CAV1: variants seen among roughly 807,000 people sequenced by gnomAD.
CAV1 encodes the protein caveolin-1.
A neutral mutation model predicts 16.5 loss-of-function variants in CAV1; 10 were observed. The ratio of observed to expected loss-of-function variants is 0.61; its 90% confidence interval spans 0.37 to 1.03. The LOEUF (loss-of-function observed/expected upper bound fraction) is 1.03. CAV1 is among the 50% of genes least tolerant of loss of function. CAV1 has a pLI of 0.01. For synonymous variants in CAV1, 76 were observed against 85.1 expected (o/e 0.89, Z 0.59); for missense variants, 212 against 232.8 (o/e 0.91, Z 0.58).
In CAV1 at chr7:116,559,481, C is replaced by T; in HGVS notation, c.*194C>T. ...AGCTATTTCATCTATTTTTGGCAGT[C>T]TGAATTTTTAAAACCCATTTAAATT... On this transcript the variant is annotated 3_prime_UTR_variant, in exon 3 of 3. Coordinates refer to ENST00000341049, the MANE Select transcript of CAV1 (RefSeq NM_001753.5). 2 of 607,458 alleles carry T rather than the reference C, an allele frequency of 3.3e-6. No individual in the cohort carries two copies. Among genetic ancestry groups the T allele is most frequent in the East Asian group, 5.5e-5 (2 of 36,368 alleles). The allele number at this position is 607,458 out of a possible 1,614,324, so 37.6% of individuals were successfully genotyped here.
chr7:116,556,038 G>A (rs957978876), intron 2 of CAV1, among the ~76,000 whole-genome samples: 1 of 152,138 alleles, frequency 6.6e-6, no homozygotes, highest in African/African-American at 2.4e-5. Context: ...CACCCCTGGA[G>A]ACCTGCTCTA....
At chr7:116,525,600 A>C in intron 1 of CAV1, 5 of 1,138,956 alleles carry the variant, frequency 4.4e-6, no homozygotes, top group Admixed American at 4.3e-5. Context: ...CATCTCAAGA[A>C]CTCCTTCTGC....
At chr7:116,541,386 G>C (rs1793931568) in intron 2 of CAV1, among the ~76,000 whole-genome samples, 1 of 152,180 alleles carries the variant, frequency 6.6e-6, no homozygotes, top group South Asian at 2.1e-4. Context: ...GAAAAGCACT[G>C]CTCAGACGCA....
chr7:116,535,417 G>T (rs1408024590), intron 2 of CAV1, among the ~76,000 whole-genome samples: 1 of 152,136 alleles, frequency 6.6e-6, no homozygotes. Flanking sequence ...TCATCCCTCA[G>T]ATCTTTCTTT....
At chr7:116,545,876 T>C (rs1185241956) in intron 2 of CAV1, among the ~76,000 whole-genome samples, 1 of 152,256 alleles carries the variant, frequency 6.6e-6, no homozygotes, top group Non-Finnish European at 1.5e-5. Flanking sequence ...CTCCCAAGTG[T>C]AAACACAGAA....
Position 116,539,679 on chromosome 7 carries a change from A to G in CAV1, c.195+12990A>G, listed in dbSNP as rs916559984. On this transcript the variant is annotated intron_variant, in intron 2 of 2. Coordinates refer to ENST00000341049, the MANE Select transcript of CAV1 (RefSeq NM_001753.5). ...ATTTAGACTTTTTTTTTAAGTCTCC[A>G]GGTTGAGGAGGACACAAATATATCC... is the stretch of plus-strand genomic sequence containing the variant. Among the ~76,000 whole-genome samples, 50 of 152,290 alleles carry G rather than the reference A, an allele frequency of 3.3e-4. 1 individual carries two copies. The highest frequency in any genetic ancestry group is 2.4e-3 in the Admixed American group (36 of 15,294).
Position 116,549,398 on chromosome 7 carries a change from T to A in CAV1, c.196-9548T>A, listed in dbSNP as rs144111344. Among the ~76,000 whole-genome samples, 306 of 152,330 alleles carry A rather than the reference T, an allele frequency of 2.0e-3. 2 individuals are homozygous for A. Among genetic ancestry groups the A allele is most frequent in the African/African-American group, 7.0e-3 (289 of 41,580 alleles). ...ATTGTTTTTCTTTAAAGGTGAAGACTTCTGAGCTTGAATTATCCCCTTGTC... is the reference window on the plus strand; with the variant it reads ...ATTGTTTTTCTTTAAAGGTGAAGACATCTGAGCTTGAATTATCCCCTTGTC... On this transcript the variant is annotated intron_variant, in intron 2 of 2. Transcript: ENST00000341049.
chr7:116,535,121 G>A (rs1427398759), intron 2 of CAV1, among the ~76,000 whole-genome samples: 1 of 152,170 alleles, frequency 6.6e-6, no homozygotes, highest in East Asian at 1.9e-4. Flanking sequence ...GCACTACTCA[G>A]CCGCAAGTAA....
At chr7:116,536,799 C>G (rs930733228) in intron 2 of CAV1, among the ~76,000 whole-genome samples, 3 of 151,408 alleles carry the variant, frequency 2.0e-5, no homozygotes, top group Admixed American at 1.3e-4. Context: ...GTCAGGAGAT[C>G]GAGACCATCC....
At chr7:116,542,912 G>T (rs1343922352) in intron 2 of CAV1, 1 of 151,070 alleles carries the variant, frequency 6.6e-6, no homozygotes, top group Non-Finnish European at 1.5e-5. Flanking sequence ...AAGTGCGAGT[G>T]GCCACAGAGA....
At position 116,535,918 on chromosome 7, in the gene CAV1, G is replaced by T. The variant is rs183991577; in HGVS notation, c.195+9229G>T. Among the ~76,000 whole-genome samples, 240 of 152,208 alleles carry T rather than the reference G, an allele frequency of 1.6e-3. 2 individuals carry two copies. Among genetic ancestry groups the T allele is most frequent in the African/African-American group, 5.6e-3 (233 of 41,546 alleles). ...TCAAAGAGACTTAAGTTTTGATGTT[G>T]TACATATGTGCCTAATATTCTATCT... On this transcript the variant is annotated intron_variant, in intron 2 of 2. Transcript: ENST00000341049.
chr7:116,555,494 A>AGG (rs1794248658), intron 2 of CAV1, among the ~76,000 whole-genome samples: 1 of 6,690 alleles, frequency 1.5e-4, no homozygotes, highest in Admixed American at 2.2e-3. Flanking sequence ...AAAAGAAAGA[A>AGG]AGAAAGAAAG....
chr7:116,533,787 A>G (rs1793735325), intron 2 of CAV1, among the ~76,000 whole-genome samples: 1 of 152,234 alleles, frequency 6.6e-6, no homozygotes, highest in Admixed American at 6.5e-5. Flanking sequence ...CGTCATTTAT[A>G]AACCTTAAAA....
At chr7:116,538,279 C>T (rs1793866193) in intron 2 of CAV1, among the ~76,000 whole-genome samples, 1 of 152,214 alleles carries the variant, frequency 6.6e-6, no homozygotes, top group Non-Finnish European at 1.5e-5. Flanking sequence ...CTAGTAATTA[C>T]ATATTTGTTC....
intron 2 of CAV1, 56 bp from the exon 3 acceptor site, chr7:116,558,890 T>G (rs996658270): frequency 2.6e-5 from 35 of 1,354,962 alleles, no homozygotes; most frequent in Middle Eastern, 3.6e-4. Flanking sequence ...GAATAGTGGG[T>G]TTTTTTTCTC....
intron 2 of CAV1, among the ~76,000 whole-genome samples, chr7:116,528,663 C>T (rs942741809): frequency 6.6e-6 from 1 of 152,110 alleles, no homozygotes; most frequent in Non-Finnish European, 1.5e-5. Context: ...GTCCTATCTA[C>T]ATCTTATGGA....
chr7:116,542,441 A>G (rs1015347349), intron 2 of CAV1, among the ~76,000 whole-genome samples: 1 of 152,162 alleles, frequency 6.6e-6, no homozygotes, highest in South Asian at 2.1e-4. Flanking sequence ...GGTGCTGCTA[A>G]TGTATAGCTA....
chr7:116,526,900 A>C, intron 2 of CAV1: 3 of 596,762 alleles, frequency 5.0e-6, no homozygotes, highest in East Asian at 3.0e-5. Context: ...TCTCCCCCCA[A>C]TAGTTAGTTC....
chr7:116,530,574 G>A (rs182999429), intron 2 of CAV1, among the ~76,000 whole-genome samples: 77 of 152,154 alleles, frequency 5.1e-4, no homozygotes, highest in African/African-American at 1.5e-3. Flanking sequence ...TGAAGGAGGT[G>A]CAGTTTGAAT....
Sources: gnomAD v4.1 joint callset for allele counts (sites outside exome capture counted in the v4.1 genomes callset) on GRCh38, gnomAD v4.1.1 for gene constraint, MANE v1.5 for transcripts, NCBI Gene and HGNC (gene_info 2026-07-23, HGNC 2026-07-21) for gene names.